Variants in ATG16L2 observed in about 807,000 individuals in gnomAD.
ATG16L2 encodes the protein autophagy related 16 like 2, also known as protein Atg16l2.
ATG16L2 carries 77 observed loss-of-function variants against 84.7 expected under a neutral mutation model. That is an observed-to-expected ratio of 0.91 (90% CI 0.76 to 1.10). The LOEUF (loss-of-function observed/expected upper bound fraction) is 1.10. Among genes scored for constraint, ATG16L2 ranks in the 50% least tolerant of loss-of-function variants. The pLI is 0.00. For synonymous variants in ATG16L2, 361 were observed against 342.8 expected (o/e 1.05, Z -0.59); for missense variants, 782 against 817.6 (o/e 0.96, Z 0.53).
chr11:72,824,787 A>G lies in ATG16L2; in HGVS notation c.941A>G (p.Gln314Arg). 6.2e-7 allele frequency: 1 copy of G among 1,612,120 alleles called. No homozygotes were observed. Among genetic ancestry groups the G allele is most frequent in the South Asian group, 1.1e-5 (1 of 90,868 alleles). The change falls in exon 9 of 18, where the codon CAG becomes CGG. Residue 314 changes from glutamine (Q) to arginine (R), a missense_variant. Transcript: ENST00000321297. ...GGGGGAGCCCCTGAGCAGCGATACC[A>G]GATCATCCCTGTGTGTGTGGCTGCC... ...SIGGAPEQRY[Q>R]IIPVCVAARL...
Position 72,822,814 on chromosome 11 carries a change from C to A in ATG16L2, c.711-34C>A. The A allele has an allele frequency of 6.7e-7, 1 of 1,495,786 alleles. No homozygotes were observed. The highest frequency in any genetic ancestry group is 1.2e-5 in the South Asian group (1 of 81,468). 92.7% of individuals were successfully genotyped at this position (1,495,786 alleles called of 1,614,324 possible). A position where few individuals can be genotyped will look rare whatever the true frequency, so the allele number is the denominator to read the frequency against. On this transcript the variant is annotated intron_variant, in intron 6 of 17. Coordinates refer to ENST00000321297, the MANE Select transcript of ATG16L2 (RefSeq NM_033388.2). The surrounding 1 kb of genome is among the most constrained non-coding windows in gnomAD (Gnocchi z 4.2). ...GGGGTCGGGAGGGGCTGGCTTGGTC[C>A]CTTGGCCTTTCTGAACTTCATTACC... is the stretch of plus-strand genomic sequence containing the variant.
At position 72,828,491 on chromosome 11, in the gene ATG16L2, C is replaced by T. The variant is rs1860493232; in HGVS notation, c.1605C>T (p.Asn535=). 3 of 1,614,104 alleles carry T rather than the reference C, an allele frequency of 1.9e-6. No individual in the cohort carries two copies. The highest frequency in any genetic ancestry group is 2.2e-5 in the South Asian group (2 of 91,096). Residue 535 remains asparagine (N), a synonymous_variant, in exon 15 of 18, where the codon AAC becomes AAT. Coordinates refer to ENST00000321297, the MANE Select transcript of ATG16L2 (RefSeq NM_033388.2). ...TLKVIDLRVS[N]IRQVFRADGF... ...AGGTCATCGACCTGCGTGTCAGCAACATCCGCCAGGTGTTCAGGTACCAGC... is the reference window on the plus strand; with the variant it reads ...AGGTCATCGACCTGCGTGTCAGCAATATCCGCCAGGTGTTCAGGTACCAGC...
At position 72,814,424 on chromosome 11, in the gene ATG16L2, C is replaced by G; in HGVS notation, c.-22C>G. 3 of 1,420,778 alleles carry G rather than the reference C, an allele frequency of 2.1e-6. No individual in the cohort carries two copies. Among genetic ancestry groups the G allele is most frequent in the East Asian group, 3.0e-5 (1 of 33,516 alleles). The allele number at this position is 1,420,778 out of a possible 1,614,324, so 88.0% of individuals were successfully genotyped here. A position where few individuals can be genotyped will look rare whatever the true frequency, so the allele number is the denominator to read the frequency against. On this transcript the variant is annotated 5_prime_UTR_variant, in exon 1 of 18. Coordinates refer to ENST00000321297, the MANE Select transcript of ATG16L2 (RefSeq NM_033388.2). ...GCCGTCCTGGGCGGGAGGAACGCGC[C>G]GCTAGGCGGGAGAGCGCGGCCATGG...
intron 1 of ATG16L2, among the ~76,000 whole-genome samples, chr11:72,814,765 T>C (rs1035381262): frequency 3.3e-5 from 5 of 152,226 alleles, no homozygotes; most frequent in Non-Finnish European, 7.4e-5. Context: ...GAGCCCCTCC[T>C]GGTCCCCCTG....
chr11:72,826,491 C>T (rs1255104396), intron 11 of ATG16L2, 27 bp from the exon 12 acceptor site: 1 of 1,613,478 alleles, frequency 6.2e-7, no homozygotes, highest in Non-Finnish European at 8.5e-7. Context: ...GGCTTAGCAC[C>T]TCTCACTTCC....
chr11:72,824,909 G>A (rs1189645937), intron 9 of ATG16L2, 67 bp downstream of exon 9: 35 of 1,359,510 alleles, frequency 2.6e-5, no homozygotes, highest in Non-Finnish European at 3.0e-5. Context: ...GGGTGGTCTC[G>A]GCACCAGGGG....
Position 72,822,135 on chromosome 11 carries a change from G to A in ATG16L2, c.484G>A (p.Val162Met). 6.6e-7 allele frequency: 1 copy of A among 1,504,276 alleles called. No individual in the cohort carries two copies. Among genetic ancestry groups the A allele is most frequent in the South Asian group, 1.3e-5 (1 of 79,690 alleles). The allele number at this position is 1,504,276 out of a possible 1,614,324, so 93.2% of individuals were successfully genotyped here. The change falls in exon 5 of 18, where the codon GTG (valine) becomes ATG (methionine). Residue 162 changes from valine to methionine, a missense_variant. By Grantham distance (21) the Val-to-Met change is conservative. Transcript: ENST00000321297. The surrounding 1 kb of genome is among the most constrained non-coding windows in gnomAD (Gnocchi z 4.2). ...GGAGGAGTGGCGGGCGCAGAATGCGGTGCAGCGGGCAGCCTACGAGGCGCT... is the reference window on the plus strand; with the variant it reads ...GGAGGAGTGGCGGGCGCAGAATGCGATGCAGCGGGCAGCCTACGAGGCGCT... ...QVEEWRAQNAVQRAAYEALRA... is the reference protein window; with the variant it reads ...QVEEWRAQNAMQRAAYEALRA...
intron 5 of ATG16L2, chr11:72,836,932 T>C (rs575616958): frequency 3.3e-5 from 5 of 152,692 alleles, no homozygotes; most frequent in Admixed American, 6.5e-5. Context: ...CACAACTTTG[T>C]TTTTTAAAAT....
chr11:72,838,933 T>C, intron 5 of ATG16L2: 2 of 1,475,140 alleles, frequency 1.4e-6, no homozygotes, highest in Non-Finnish European at 1.9e-6. Flanking sequence ...ATCTGAAGCA[T>C]CCCCAAAACC....
In ATG16L2 at chr11:72,829,387, G is replaced by C; in HGVS notation, c.1857G>C (p.Gln619His). 1 of 1,610,774 alleles carries C rather than the reference G, an allele frequency of 6.2e-7. No individual in the cohort carries two copies. The highest frequency in any genetic ancestry group is 8.5e-7 in the Non-Finnish European group (1 of 1,178,926). The change falls in exon 18 of 18, where the codon CAG becomes CAC. Residue 619 changes from glutamine (Q) to histidine (H), a missense_variant. Transcript: ENST00000321297. ...AGGGCAGGAAGGTTGTGCTCTGGCA[G>C]TAGGGCCACGACCTGCCTGCCTGGG... ...VDQGRKVVLW[Q>H]
At chr11:72,826,121 T>G in intron 10 of ATG16L2, 52 bp from the exon 11 acceptor site, 4 of 1,452,506 alleles carry the variant, frequency 2.8e-6, no homozygotes, top group Non-Finnish European at 3.8e-6. Flanking sequence ...AATTCCTCCA[T>G]TTTGTGAGGT....
In ATG16L2 at chr11:72,826,481, G is replaced by C. The variant is rs189813896; in HGVS notation, c.1174-37G>C. 120 of 1,612,576 alleles carry C rather than the reference G, an allele frequency of 7.4e-5. No homozygotes were observed. In the Admixed American group the frequency reaches 2.0e-3, roughly 26 times the overall value. ...CTGTGGCCCGAAGAATGTTGCCTCC[G>C]GCTTAGCACCTCTCACTTCCTCTCC... On this transcript the variant is annotated intron_variant, in intron 11 of 17. Coordinates refer to ENST00000321297, the MANE Select transcript of ATG16L2 (RefSeq NM_033388.2).
At chr11:72,814,650 G>A (rs1859599664) in intron 1 of ATG16L2, 87 bp downstream of exon 1, 4 of 1,092,806 alleles carry the variant, frequency 3.7e-6, no homozygotes, top group African/African-American at 1.6e-5. Flanking sequence ...TCCTCCGCCT[G>A]TGACCCGAGT....
chr11:72,842,602 T>C (rs1407384848), intron 5 of ATG16L2: 5 of 1,613,458 alleles, frequency 3.1e-6, no homozygotes, highest in African/African-American at 1.3e-5. Flanking sequence ...TTAATTCAAC[T>C]GTCTCCCCTC....
downstream of ATG16L2, among the ~76,000 whole-genome samples, chr11:72,831,651 G>A (rs1311080878): frequency 1.3e-5 from 2 of 152,172 alleles, no homozygotes; most frequent in African/African-American, 2.4e-5. Context: ...GTCACCAGCT[G>A]CCTAGTCTAC....
downstream of ATG16L2, among the ~76,000 whole-genome samples, chr11:72,833,506 T>C (rs1860650423): frequency 6.6e-6 from 1 of 152,198 alleles, no homozygotes; most frequent in Non-Finnish European, 1.5e-5. Flanking sequence ...TACATTTCCT[T>C]TGGCTGTGCT....
At chr11:72,817,409 C>T (rs1268900264) in intron 2 of ATG16L2, among the ~76,000 whole-genome samples, 3 of 152,114 alleles carry the variant, frequency 2.0e-5, no homozygotes, top group South Asian at 2.1e-4. Context: ...TTAGTAGAGA[C>T]GGGGTTTCAC....
intron 17 of ATG16L2, 56 bp downstream of exon 17, chr11:72,829,040 C>A: frequency 6.4e-7 from 1 of 1,563,674 alleles, no homozygotes; most frequent in Non-Finnish European, 8.8e-7. Flanking sequence ...CAGGCTGATT[C>A]CAGGTTCTGA....
In ATG16L2 at chr11:72,824,761, T is replaced by G. The variant is rs1565267577; in HGVS notation, c.915T>G (p.Ile305Met). 6.2e-7 allele frequency: 1 copy of G among 1,613,692 alleles called. No individual in the cohort carries two copies. Among genetic ancestry groups the G allele is most frequent in the Admixed American group, 1.7e-5 (1 of 59,954 alleles). Residue 305 changes from isoleucine to methionine, a missense_variant, in exon 9 of 18, where the codon ATT (isoleucine) becomes ATG (methionine). By Grantham distance (10) the Ile-to-Met change is conservative (BLOSUM62 1). Coordinates refer to ENST00000321297, the MANE Select transcript of ATG16L2 (RefSeq NM_033388.2). ...TTAAGAAGAGGAGAGGTCACTCAAT[T>G]GGGGGAGCCCCTGAGCAGCGATACC... ...LDFKKRRGHS[I>M]GGAPEQRYQI...
Sources: gnomAD v4.1 joint callset for allele counts (sites outside exome capture counted in the v4.1 genomes callset) on GRCh38, gnomAD v4.1.1 for gene constraint, Gnocchi (gnomAD v3.1) non-coding constraint, MANE v1.5 for transcripts, NCBI Gene and HGNC (gene_info 2026-07-23, HGNC 2026-07-21) for gene names.